JAZF1: variants seen among roughly 807,000 people sequenced by gnomAD.
The protein encoded by JAZF1 is JAZF zinc finger 1, also known as juxtaposed with another zinc finger protein 1.
In JAZF1, 8 loss-of-function variants were observed where a neutral mutation model predicts 26.4. The observed-to-expected ratio is 0.30, with a 90% confidence interval of 0.18 to 0.55. The LOEUF is 0.55. Ranked by LOEUF, JAZF1 falls within the 20% of genes least tolerant of loss-of-function variation. JAZF1 has a pLI of 0.94. For missense variants in JAZF1, 199 were observed against 322.0 expected (o/e 0.62, Z 2.92); for synonymous variants, 126 against 122.3 (o/e 1.03, Z -0.20).
rs1171438352 is a variant in JAZF1 at position 27,884,806 on chromosome 7, T to A, written c.385+10414A>T. 3.9e-5 allele frequency among the ~76,000 whole-genome samples: 6 copies of A among 152,244 alleles called. No homozygotes were observed. The East Asian group carries it at 1.2e-3, about 29-fold the overall frequency. ...ACTGTGAATAAAGGTGCTATATACATCCTTGTATCCGTCTTTTGTGGATAC... is the reference window on the plus strand; with the variant it reads ...ACTGTGAATAAAGGTGCTATATACAACCTTGTATCCGTCTTTTGTGGATAC... On this transcript the variant is annotated intron_variant, in intron 3 of 4. Transcript: ENST00000283928.
At chr7:28,114,835 C>T (rs7790202) in intron 1 of JAZF1, among the ~76,000 whole-genome samples, 4 of 151,326 alleles carry the variant, frequency 2.6e-5, no homozygotes, top group South Asian at 2.1e-4. Context: ...AAAGGTGCCA[C>T]GTGAACGGGG....
intron 1 of JAZF1, among the ~76,000 whole-genome samples, chr7:28,126,521 G>T (rs886828094): frequency 4.0e-5 from 6 of 151,368 alleles, no homozygotes; most frequent in East Asian, 2.0e-4. Context: ...CAGGCAAGGT[G>T]GGGGGAAGCG....
chr7:27,910,946 G>A (rs1250760753), intron 2 of JAZF1, among the ~76,000 whole-genome samples: 1 of 152,180 alleles, frequency 6.6e-6, no homozygotes, highest in Non-Finnish European at 1.5e-5. Context: ...TAGCCTCGTG[G>A]AGATTTTCCT....
At chr7:28,090,972 G>A (rs991729297) in intron 1 of JAZF1, among the ~76,000 whole-genome samples, 13 of 150,796 alleles carry the variant, frequency 8.6e-5, no homozygotes, top group African/African-American at 2.2e-4. Context: ...GACTACAGGC[G>A]CCCGCCACCG....
chr7:28,096,069 G>A (rs1019405652), intron 1 of JAZF1, among the ~76,000 whole-genome samples: 3 of 152,100 alleles, frequency 2.0e-5, no homozygotes, highest in Non-Finnish European at 4.4e-5. Context: ...ATGAAATTTG[G>A]GGGGGGCACA....
intron 1 of JAZF1, among the ~76,000 whole-genome samples, chr7:28,095,362 G>A (rs1038635456): frequency 6.6e-6 from 1 of 152,110 alleles, no homozygotes; most frequent in African/African-American, 2.4e-5. Flanking sequence ...CATGGCGGAT[G>A]GTGAAGGGGA....
At position 27,862,194 on chromosome 7, in the gene JAZF1, T is replaced by C. The variant is rs114378621; in HGVS notation, c.386-21327A>G. 3.7e-3 allele frequency among the ~76,000 whole-genome samples: 562 copies of C among 152,336 alleles called. 3 individuals carry two copies. The highest frequency in any genetic ancestry group is 0.012 in the African/African-American group (504 of 41,564). On this transcript the variant is annotated intron_variant, in intron 3 of 4. Coordinates refer to ENST00000283928, the MANE Select transcript of JAZF1 (RefSeq NM_175061.4). ...CATTTTTAAAATAGAACAGATTTAT[T>C]TTTACTTTTTAAAAAATATTTTCAA...
intron 3 of JAZF1, among the ~76,000 whole-genome samples, chr7:27,857,535 TAGGGCTGCG>T (rs1464424332): frequency 1.3e-5 from 2 of 152,174 alleles, no homozygotes; most frequent in African/African-American, 4.8e-5. Context: ...GAGAGCGAGC[TAGGGCTGCG>T]AGGGCTGCCA....
chr7:27,872,205 G>A (rs1359315480), intron 3 of JAZF1, among the ~76,000 whole-genome samples: 1 of 152,110 alleles, frequency 6.6e-6, no homozygotes, highest in Admixed American at 6.5e-5. Context: ...CACAGCCTTG[G>A]CTGTAAACAT....
chr7:27,877,393 C>T (rs1275039725), intron 3 of JAZF1, among the ~76,000 whole-genome samples: 4 of 152,094 alleles, frequency 2.6e-5, no homozygotes, highest in African/African-American at 4.8e-5. Flanking sequence ...ACGGTCTGAA[C>T]GGGGTATGGG....
rs376578539 is a variant in JAZF1 at position 27,860,015 on chromosome 7, G to A, written c.386-19148C>T. 3.3e-4 allele frequency among the ~76,000 whole-genome samples: 51 copies of A among 152,314 alleles called. 1 individual carries two copies. In the East Asian group the frequency reaches 8.9e-3, roughly 26 times the overall value. On this transcript the variant is annotated intron_variant, in intron 3 of 4. Transcript: ENST00000283928. ...TGCTGGTTTTTGAACTGTGGTGGGA[G>A]GAGGTGCTCCTTACAATAGTCACAC...
intron 3 of JAZF1, among the ~76,000 whole-genome samples, chr7:27,857,386 G>T (rs759185692): frequency 1.3e-4 from 20 of 152,156 alleles, no homozygotes; most frequent in Non-Finnish European, 1.3e-4. Flanking sequence ...TCCCACCTGC[G>T]CCTCTCCCTC....
At chr7:27,846,394 T>A (rs1249151745) in intron 3 of JAZF1, 1 of 442,932 alleles carries the variant, frequency 2.3e-6, no homozygotes, top group African/African-American at 2.0e-5. Context: ...TATATATACA[T>A]ATACGTATAC....
chr7:28,097,403 T>G (rs1339218917), intron 1 of JAZF1, among the ~76,000 whole-genome samples: 2 of 152,232 alleles, frequency 1.3e-5, no homozygotes, highest in African/African-American at 4.8e-5. Context: ...ACAGCATCAA[T>G]TCAAAAGTCT....
At chr7:28,073,945 A>C (rs1197948550) in intron 1 of JAZF1, among the ~76,000 whole-genome samples, 1 of 151,950 alleles carries the variant, frequency 6.6e-6, no homozygotes, top group Admixed American at 6.6e-5. Context: ...TCAATTATTT[A>C]AGAGTAGATG....
intron 2 of JAZF1, among the ~76,000 whole-genome samples, chr7:27,954,639 G>T (rs1336527794): frequency 6.6e-6 from 1 of 152,180 alleles, no homozygotes; most frequent in Non-Finnish European, 1.5e-5. Context: ...TTACTTCTGT[G>T]ACAATCAAAT....
chr7:27,983,885 C>G (rs1379201630), intron 2 of JAZF1, among the ~76,000 whole-genome samples: 1 of 152,180 alleles, frequency 6.6e-6, no homozygotes, highest in East Asian at 1.9e-4. Flanking sequence ...AAATCCTTTA[C>G]AGACAAGCAA....
intron 1 of JAZF1, among the ~76,000 whole-genome samples, chr7:28,101,093 G>A (rs1333610380): frequency 6.6e-6 from 1 of 152,180 alleles, no homozygotes; most frequent in Non-Finnish European, 1.5e-5. Context: ...AGCATATTTA[G>A]TGACTTAATG....
At chr7:28,150,327 A>G (rs1708299) in intron 1 of JAZF1, among the ~76,000 whole-genome samples, 117,957 of 152,140 alleles carry the variant, frequency 0.78, 46,427 homozygotes, top group East Asian at 0.98. Context: ...CTGCAAAAGA[A>G]TTGCTTCCAG....
Sources: gnomAD v4.1 joint callset for allele counts (sites outside exome capture counted in the v4.1 genomes callset) on GRCh38, gnomAD v4.1.1 for gene constraint, MANE v1.5 for transcripts, NCBI Gene and HGNC (gene_info 2026-07-23, HGNC 2026-07-21) for gene names.